Variants in MKLN1 observed in about 807,000 individuals in gnomAD.
MKLN1 encodes the protein muskelin.
In MKLN1, 18 loss-of-function variants were observed where a neutral mutation model predicts 99.0. The observed-to-expected ratio is 0.18, with a 90% CI of 0.13 to 0.27. The LOEUF is 0.27. Among genes scored for constraint, MKLN1 ranks in the 10% least tolerant of loss-of-function variants. The probability of loss-of-function intolerance (pLI) is 1.00; values close to 1 mark genes in which losing one functional copy is unlikely to be tolerated. For synonymous variants in MKLN1, 288 were observed against 293.2 expected, an observed-to-expected ratio of 0.98 and a Z score of 0.18; for missense variants, 621 against 875.9, an observed-to-expected ratio of 0.71 and a Z score of 3.67.
At position 131,491,980 on chromosome 7, in the gene MKLN1, A is replaced by C. The variant is rs1797434836; in HGVS notation, c.*4252A>C. ...CTATTATCCTTATTTATGACAAGAG[A>C]ATAATGAAATTCATAAGAAATTAAT... On this transcript the variant is annotated 3_prime_UTR_variant, in exon 18 of 18. Transcript: ENST00000352689. The C allele has an allele frequency of 6.6e-6, 1 of 152,440 alleles. No individual in the cohort carries two copies. Among genetic ancestry groups the C allele is most frequent in the South Asian group, 2.1e-4 (1 of 4,834 alleles). 9.4% of individuals were successfully genotyped at this position (152,440 alleles called of 1,614,324 possible). A position where few individuals can be genotyped will look rare whatever the true frequency, so the allele number is the denominator to read the frequency against.
chr7:131,275,557 ATATATATATATTTTTTTTTTTTTT>A (rs1797954245), intron 3 of MKLN1, among the ~76,000 whole-genome samples: 1 of 15,666 alleles, frequency 6.4e-5, no homozygotes, highest in African/African-American at 3.1e-4. Context: ...ATATATATAT[ATATATATATATTTTTTTTTTTTTT>A]TTTTTTTTTT....
At chr7:131,173,694 G>A (rs976013675) in intron 2 of MKLN1, among the ~76,000 whole-genome samples, 2 of 152,030 alleles carry the variant, frequency 1.3e-5, no homozygotes, top group Non-Finnish European at 2.9e-5. Context: ...ATTCCAACCT[G>A]GGTCATAGAG....
intron 8 of MKLN1, among the ~76,000 whole-genome samples, chr7:131,417,595 A>G (rs1424940778): frequency 2.0e-5 from 3 of 152,230 alleles, no homozygotes. Context: ...GTGGTCCTTG[A>G]TATCAGTAAT....
intron 2 of MKLN1, among the ~76,000 whole-genome samples, chr7:131,175,146 G>A (rs1044265568): frequency 3.0e-5 from 4 of 132,912 alleles, no homozygotes; most frequent in East Asian, 5.8e-4. Context: ...GGATGGATGG[G>A]TGGATGGATA....
intron 14 of MKLN1, among the ~76,000 whole-genome samples, chr7:131,465,071 G>A (rs1052915392): frequency 6.6e-6 from 1 of 151,934 alleles, no homozygotes; most frequent in African/African-American, 2.4e-5. Context: ...ACATGGGAGT[G>A]AGTAAAAGCC....
At chr7:131,329,871 A>G (rs951957111) in intron 1 of MKLN1, among the ~76,000 whole-genome samples, 7 of 152,232 alleles carry the variant, frequency 4.6e-5, no homozygotes, top group African/African-American at 1.7e-4. Context: ...TCAAGTACAT[A>G]CATAAAATAG....
At chr7:131,434,139 A>G (rs577289412) in intron 9 of MKLN1, among the ~76,000 whole-genome samples, 158 of 152,040 alleles carry the variant, frequency 1.0e-3, no homozygotes, top group African/African-American at 3.5e-3. Flanking sequence ...ACCCACCTCA[A>G]CTTCTCAAAG....
At chr7:131,225,028 G>A (rs911847465) in intron 3 of MKLN1, among the ~76,000 whole-genome samples, 4 of 151,108 alleles carry the variant, frequency 2.6e-5, no homozygotes, top group South Asian at 2.1e-4. Context: ...AGCCAAGATC[G>A]TGCCACTGCA....
At chr7:131,416,114 T>A (rs1437699576) in intron 8 of MKLN1, among the ~76,000 whole-genome samples, 1 of 152,202 alleles carries the variant, frequency 6.6e-6, no homozygotes, top group Non-Finnish European at 1.5e-5. Flanking sequence ...CAAACAAATT[T>A]GGTTGTAGTT....
At chr7:131,380,439 C>T (rs1024675591) in intron 2 of MKLN1, among the ~76,000 whole-genome samples, 5 of 151,692 alleles carry the variant, frequency 3.3e-5, no homozygotes, top group African/African-American at 1.2e-4. Context: ...AAAATACCAA[C>T]AAAAAATGAA....
chr7:131,157,415 T>C (rs1402081747), intron 2 of MKLN1, among the ~76,000 whole-genome samples: 1 of 151,954 alleles, frequency 6.6e-6, no homozygotes. Flanking sequence ...AAAAAATTCC[T>C]TAGAGCAAAA....
chr7:131,326,103 A>C (rs1437728494), upstream of MKLN1, among the ~76,000 whole-genome samples: 1 of 152,242 alleles, frequency 6.6e-6, no homozygotes, highest in African/African-American at 2.4e-5. Context: ...TAAGGTAAGA[A>C]GTGGAATTAT....
chr7:131,472,008 T>A (rs567275936), intron 16 of MKLN1: 3 of 152,388 alleles, frequency 2.0e-5, no homozygotes, highest in Admixed American at 2.0e-4. Flanking sequence ...GGACATGCTT[T>A]AGAACCCCCA....
intron 3 of MKLN1, among the ~76,000 whole-genome samples, chr7:131,282,349 C>CAAAAAAA (rs1001483569): frequency 1.5e-5 from 1 of 65,574 alleles, no homozygotes; most frequent in Non-Finnish European, 3.3e-5. Context: ...AACTCCGTCT[C>CAAAAAAA]AAAAAAAAAA....
At chr7:131,478,004 T>C (rs910112685) in intron 16 of MKLN1, among the ~76,000 whole-genome samples, 1 of 152,268 alleles carries the variant, frequency 6.6e-6, no homozygotes, top group Non-Finnish European at 1.5e-5. Context: ...TTCAATTACA[T>C]TGTCTGTTTT....
chr7:131,462,230 A>G (rs937003398), intron 12 of MKLN1, among the ~76,000 whole-genome samples: 9 of 152,184 alleles, frequency 5.9e-5, no homozygotes, highest in South Asian at 2.1e-4. Context: ...GGGTCTCACT[A>G]TGTTGCCCAG....
At chr7:131,292,219 G>A (rs1232139863) in intron 3 of MKLN1, among the ~76,000 whole-genome samples, 2 of 151,836 alleles carry the variant, frequency 1.3e-5, no homozygotes, top group East Asian at 1.9e-4. Context: ...AGTTTTTTTT[G>A]CAAAGCAAAA....
intron 1 of MKLN1, among the ~76,000 whole-genome samples, chr7:131,134,231 T>A (rs1357626218): frequency 6.6e-6 from 1 of 152,174 alleles, no homozygotes; most frequent in Non-Finnish European, 1.5e-5. Flanking sequence ...TTGATCATTT[T>A]CTCTGGGAAG....
At chr7:131,458,985 A>C (rs891769839) in intron 12 of MKLN1, among the ~76,000 whole-genome samples, 2 of 152,236 alleles carry the variant, frequency 1.3e-5, no homozygotes, top group African/African-American at 4.8e-5. Context: ...AAAGCATAAC[A>C]AATTGATTTA....
Sources: gnomAD v4.1 joint callset for allele counts (sites outside exome capture counted in the v4.1 genomes callset) on GRCh38, gnomAD v4.1.1 for gene constraint, MANE v1.5 for transcripts, NCBI Gene and HGNC (gene_info 2026-07-23, HGNC 2026-07-21) for gene names.